The following UNC13C variants were observed in gnomAD, a reference collection of about 807,000 sequenced individuals.
The protein encoded by UNC13C is unc-13 homolog C, also known as protein unc-13 homolog C.
UNC13C carries 174 observed loss-of-function variants against 245.4 expected under a neutral mutation model. The observed-to-expected ratio is 0.71, with a 90% CI of 0.63 to 0.80. UNC13C has a LOEUF of 0.80. UNC13C is among the 30% of genes least tolerant of loss of function. The pLI, the probability that UNC13C is intolerant of heterozygous loss-of-function variation, is 0.00. For synonymous variants in UNC13C, 992 were observed against 895.1 expected (o/e 1.11, Z -1.93); for missense variants, 2,829 against 2,602.9 (o/e 1.09, Z -1.89).
intron 4 of UNC13C, among the ~76,000 whole-genome samples, chr15:54,219,503 C>A (rs62010024): frequency 0.36 from 53,119 of 145,874 alleles, 11,044 homozygotes; most frequent in African/African-American, 0.56. Context: ...ACCCTAGAAG[C>A]AAACCTAGGC....
At chr15:54,048,712 AT>A in intron 2 of UNC13C, 1 of 287,710 alleles carries the variant, frequency 3.5e-6, no homozygotes, top group Admixed American at 4.4e-5. Flanking sequence ...TCATCTTCCC[AT>A]TTTGAACTGC....
chr15:54,294,892 A>G (rs2037389143), intron 11 of UNC13C, among the ~76,000 whole-genome samples: 1 of 152,208 alleles, frequency 6.6e-6, no homozygotes, highest in African/African-American at 2.4e-5. Flanking sequence ...GACTTTAAAA[A>G]AATCTGCATA....
chr15:54,008,535 C>G (rs530180640), intron 1 of UNC13C, among the ~76,000 whole-genome samples: 1 of 152,226 alleles, frequency 6.6e-6, no homozygotes, highest in South Asian at 2.1e-4. Flanking sequence ...CCCTAAAGTT[C>G]ATTAATGAAG....
chr15:54,507,279 A>G (rs1894516091), intron 23 of UNC13C, 85 bp downstream of exon 23: 1 of 913,914 alleles, frequency 1.1e-6, no homozygotes, highest in African/African-American at 1.7e-5. Flanking sequence ...TAAATTGTTG[A>G]CTTTCAGTTT....
At chr15:54,420,450 A>C (rs2040615756) in intron 19 of UNC13C, among the ~76,000 whole-genome samples, 1 of 151,132 alleles carries the variant, frequency 6.6e-6, no homozygotes, top group South Asian at 2.1e-4. Flanking sequence ...AGCCACACTC[A>C]GTCACTTCTA....
intron 4 of UNC13C, among the ~76,000 whole-genome samples, chr15:54,209,030 G>C (rs188199730): frequency 2.6e-5 from 4 of 152,194 alleles, no homozygotes; most frequent in Non-Finnish European, 5.9e-5. Context: ...CCTTGCCCTA[G>C]ACTTTATCAT....
chr15:53,860,943 C>T, the UNC13C span, among the ~76,000 whole-genome samples: 11 of 152,242 alleles, frequency 7.2e-5, no homozygotes, highest in East Asian at 2.1e-3. Context: ...TAGGTTCTTT[C>T]TACCCAGTTG....
the UNC13C span, among the ~76,000 whole-genome samples, chr15:53,922,133 A>G: frequency 2.0e-5 from 3 of 152,188 alleles, no homozygotes; most frequent in Non-Finnish European, 4.4e-5. Flanking sequence ...AAGTAGTGGT[A>G]TTACTGGTTT....
intron 19 of UNC13C, among the ~76,000 whole-genome samples, chr15:54,424,393 GT>G (rs973160279): frequency 4.0e-5 from 6 of 151,620 alleles, no homozygotes; most frequent in Admixed American, 1.3e-4. Context: ...GGAAACCATG[GT>G]TTTTTTTGTT....
At chr15:54,576,404 T>C (rs1322040074) in intron 30 of UNC13C, among the ~76,000 whole-genome samples, 3 of 152,224 alleles carry the variant, frequency 2.0e-5, no homozygotes, top group African/African-American at 7.2e-5. Flanking sequence ...TATCACTGAA[T>C]CTCTCTTCTG....
At chr15:54,416,777 G>C (rs2040531154) in intron 19 of UNC13C, 7 of 383,452 alleles carry the variant, frequency 1.8e-5, no homozygotes, top group South Asian at 1.4e-4. Context: ...TCCTTTGTCA[G>C]AACAGACTCT....
chr15:54,003,062 G>A (rs1894968933), intron 1 of UNC13C, among the ~76,000 whole-genome samples: 1 of 152,120 alleles, frequency 6.6e-6, no homozygotes, highest in African/African-American at 2.4e-5. Context: ...CAACCTCAAC[G>A]ACTCTGTAGA....
At chr15:53,894,236 C>T in the UNC13C span, among the ~76,000 whole-genome samples, 2 of 152,226 alleles carry the variant, frequency 1.3e-5, no homozygotes, top group Non-Finnish European at 2.9e-5. Context: ...AATCACCCAC[C>T]TTCTGTGTCA....
intron 4 of UNC13C, among the ~76,000 whole-genome samples, chr15:54,146,413 A>G (rs1364748386): frequency 6.6e-6 from 1 of 152,140 alleles, no homozygotes; most frequent in African/African-American, 2.4e-5. Flanking sequence ...AAATTAATAA[A>G]CTATATACAC....
intron 17 of UNC13C, among the ~76,000 whole-genome samples, chr15:54,358,782 T>C (rs1223221181): frequency 6.6e-6 from 1 of 152,094 alleles, no homozygotes; most frequent in East Asian, 1.9e-4. Flanking sequence ...GACTTTCTCC[T>C]ATCCAATTTG....
intron 1 of UNC13C, among the ~76,000 whole-genome samples, chr15:54,008,617 G>T (rs1895246721): frequency 6.6e-6 from 1 of 152,140 alleles, no homozygotes; most frequent in Non-Finnish European, 1.5e-5. Flanking sequence ...TCAAGTAGTT[G>T]AGATGATGTT....
chr15:53,941,798 T>C, the UNC13C span, among the ~76,000 whole-genome samples: 1 of 151,866 alleles, frequency 6.6e-6, no homozygotes, highest in Non-Finnish European at 1.5e-5. Context: ...GCCAAATATA[T>C]GAAAAAAAGC....
chr15:54,100,606 C>T (rs1897007), intron 2 of UNC13C, among the ~76,000 whole-genome samples: 107,961 of 151,574 alleles, frequency 0.71, 38,983 homozygotes, highest in East Asian at 0.89. Context: ...ATCTTTAGCC[C>T]AGATCTCCAC....
chr15:54,333,423 T>A (rs1242599685), intron 15 of UNC13C, among the ~76,000 whole-genome samples: 1 of 151,972 alleles, frequency 6.6e-6, no homozygotes, highest in Admixed American at 6.6e-5. Context: ...ATCATGAAAA[T>A]TTTTTCCTAT....
Sources: allele counts gnomAD v4.1 joint callset (sites outside exome capture counted in the v4.1 genomes callset), GRCh38; gene constraint gnomAD v4.1.1; transcripts MANE v1.5; gene names NCBI Gene and HGNC (gene_info 2026-07-23, HGNC 2026-07-21).